The following TRPC5 variants were observed in gnomAD, a reference collection of about 807,000 sequenced individuals.
TRPC5 encodes the protein transient receptor potential cation channel subfamily C member 5, also known as short transient receptor potential channel 5.
Under a neutral mutation model 56.5 loss-of-function variants are expected in TRPC5, and 9 were observed. The observed-to-expected ratio is 0.16, with a 90% confidence interval of 0.10 to 0.28. TRPC5 has a LOEUF of 0.28. Among genes scored for constraint, TRPC5 ranks in the 10% least tolerant of loss-of-function variants. The pLI is 1.00. For synonymous variants in TRPC5, 282 were observed against 278.5 expected, an observed-to-expected ratio of 1.01 and a Z score of -0.13; for missense variants, 469 against 748.9, an observed-to-expected ratio of 0.63 and a Z score of 4.36.
At chrX:112,075,597 T>C (rs1930816939) in intron 1 of TRPC5, among the ~76,000 whole-genome samples, 1 of 111,723 alleles carries the variant, frequency 9.0e-6, no homozygotes, top group Non-Finnish European at 1.9e-5. Context: ...GACCTTAAAA[T>C]AGGAGATAAT....
chrX:111,814,253 C>T (rs1464617889), intron 7 of TRPC5, among the ~76,000 whole-genome samples: 1 of 111,002 alleles, frequency 9.0e-6, no homozygotes, highest in East Asian at 2.8e-4. Flanking sequence ...ATTCCCATAT[C>T]CCTCAATGCC....
At chrX:112,078,928 T>C (rs1875543674) in intron 1 of TRPC5, among the ~76,000 whole-genome samples, 1 of 111,726 alleles carries the variant, frequency 9.0e-6, no homozygotes, top group Non-Finnish European at 1.9e-5. Flanking sequence ...TGTCAGCTAC[T>C]AGGCTCTGGA....
rs773496141 is a variant in TRPC5, at chrX:111,854,124, C to T, written c.901-18G>A. 19 of 1,179,651 alleles carry T rather than the reference C, an allele frequency of 1.6e-5. No individual in the cohort carries two copies. The highest frequency in any genetic ancestry group is 2.4e-5 in the Admixed American group (1 of 42,418). ...GCAACAAACTGGGAAAAGAAGAAAA[C>T]AAGTTAGGCATCTGGAATGTCCAGG... is the stretch of plus-strand genomic sequence containing the variant. On this transcript the variant is annotated intron_variant, in intron 3 of 10. Coordinates refer to ENST00000262839, the MANE Select transcript of TRPC5 (RefSeq NM_012471.3).
chrX:111,918,705 C>G (rs1187169397), intron 2 of TRPC5, among the ~76,000 whole-genome samples: 2 of 111,402 alleles, frequency 1.8e-5, no homozygotes, highest in Non-Finnish European at 3.8e-5. Context: ...CATTGAGGGA[C>G]TTGAGGTCTC....
intron 3 of TRPC5, among the ~76,000 whole-genome samples, chrX:111,907,112 GA>G (rs746535996): frequency 0.079 from 5,527 of 70,368 alleles, 410 homozygotes; most frequent in African/African-American, 0.24. Flanking sequence ...AAGGTCATTT[GA>G]AAAAAAAAAA....
At chrX:111,864,190 A>G (rs1923483275) in intron 3 of TRPC5, among the ~76,000 whole-genome samples, 1 of 110,289 alleles carries the variant, frequency 9.1e-6, no homozygotes, top group African/African-American at 3.3e-5. Flanking sequence ...GGGTTTCACC[A>G]TGTTAGCCAG....
intron 1 of TRPC5, among the ~76,000 whole-genome samples, chrX:112,059,582 A>G (rs1215655871): frequency 8.9e-6 from 1 of 112,079 alleles, no homozygotes; most frequent in Non-Finnish European, 1.9e-5. Context: ...AAGGTTAGGA[A>G]GGTGTAGAAA....
chrX:111,798,833 G>A (rs78624997), intron 7 of TRPC5, among the ~76,000 whole-genome samples: 1 of 111,736 alleles, frequency 8.9e-6, no homozygotes, highest in African/African-American at 3.2e-5. Flanking sequence ...AAGAAAAAGT[G>A]AATTCATTAT....
chrX:111,926,865 G>A (rs1176603890), intron 2 of TRPC5, among the ~76,000 whole-genome samples: 1 of 112,160 alleles, frequency 8.9e-6, no homozygotes, highest in Non-Finnish European at 1.9e-5. Context: ...TGGTCAGGTG[G>A]GATGATGGAT....
intron 7 of TRPC5, among the ~76,000 whole-genome samples, chrX:111,819,089 A>G (rs1921953462): frequency 9.0e-6 from 1 of 111,476 alleles, no homozygotes; most frequent in South Asian, 3.8e-4. Context: ...CAAGTTCTTA[A>G]CCACTGAGCT....
chrX:111,891,352 T>G (rs967742964), intron 3 of TRPC5, among the ~76,000 whole-genome samples: 3 of 111,525 alleles, frequency 2.7e-5, no homozygotes, highest in Middle Eastern at 9.2e-3. Flanking sequence ...AAGCATTTCT[T>G]TTTCTCTGCA....
At chrX:112,050,107 C>T (rs907317133) in intron 1 of TRPC5, among the ~76,000 whole-genome samples, 4 of 112,069 alleles carry the variant, frequency 3.6e-5, no homozygotes, top group African/African-American at 1.3e-4. Context: ...ACCCGGTAGG[C>T]GGAGGTTTCA....
chrX:111,794,985 T>TGA (rs1946048643), intron 7 of TRPC5, among the ~76,000 whole-genome samples: 1 of 111,869 alleles, frequency 8.9e-6, no homozygotes, highest in Non-Finnish European at 1.9e-5. Context: ...ATTTGTGTGT[T>TGA]GACCTTGCAT....
chrX:111,912,534 A>C lies in TRPC5; in HGVS notation c.657T>G (p.Thr219=). ...IALSSEDPIL[T]AFRLGWELKE... ...TGAGCTCCCAGCCCAGACGGAAGGC[A>C]GTTAGGATGGGGTCCTCACTTGATA... The change falls in exon 3 of 11, where the codon ACT becomes ACG. Residue 219 remains threonine (T), a synonymous_variant. Coordinates refer to ENST00000262839, the MANE Select transcript of TRPC5 (RefSeq NM_012471.3). 2 of 1,211,720 alleles carry C rather than the reference A, an allele frequency of 1.7e-6. No homozygotes were observed. Among genetic ancestry groups the C allele is most frequent in the Non-Finnish European group, 2.2e-6 (2 of 895,532 alleles).
intron 2 of TRPC5, 79 bp downstream of exon 2, chrX:111,951,964 A>T: frequency 1.8e-6 from 2 of 1,135,292 alleles, no homozygotes; most frequent in Non-Finnish European, 2.3e-6. Flanking sequence ...AGACCACCTA[A>T]CCTTCCCTAG....
In TRPC5 at chrX:112,024,221, G is replaced by A. The variant is rs184895230; in HGVS notation, c.-22+57658C>T. On this transcript the variant is annotated intron_variant, in intron 1 of 10. Transcript: ENST00000262839. Reference sequence around the variant, plus strand: ...TGGGCCATAGAGTGTCCAGATATTTGGTCAAACATTATTCTGGGTGTGTCT... The same window carrying A: ...TGGGCCATAGAGTGTCCAGATATTTAGTCAAACATTATTCTGGGTGTGTCT... Among the ~76,000 whole-genome samples the A allele has an allele frequency of 3.2e-4, 36 of 111,684 alleles. No individual in the cohort carries two copies. The East Asian group carries it at 8.8e-3, about 27-fold the overall frequency.
Position 111,952,394 on chromosome X carries a change from G to C in TRPC5, c.27C>G (p.Val9=), listed in dbSNP as rs762582361. MAQLYYKK[V]NYSPYRDRIP... is the part of the protein sequence containing the mutation. ...TGCGGTCTCTGTACGGTGAGTAGTTGACCTTTTTGTAGTACAGTTGGGCCA... is the reference window on the plus strand; with the variant it reads ...TGCGGTCTCTGTACGGTGAGTAGTTCACCTTTTTGTAGTACAGTTGGGCCA... The change falls in exon 2 of 11, where the codon GTC becomes GTG. Residue 9 remains valine (V), a synonymous_variant. Coordinates refer to ENST00000262839, the MANE Select transcript of TRPC5 (RefSeq NM_012471.3). 1 of 1,207,777 alleles carries C rather than the reference G, an allele frequency of 8.3e-7. No homozygotes were observed. The highest frequency in any genetic ancestry group is 3.0e-5 in the East Asian group (1 of 33,793).
Position 111,936,238 on chromosome X carries a change from T to C in TRPC5, c.378+15805A>G, listed in dbSNP as rs770438832. On this transcript the variant is annotated intron_variant, in intron 2 of 10. Transcript: ENST00000262839. ...TGGTAAATGAGATTGCTTTCTTGAT[T>C]TATTTTTCAGATTGTTTGCTGTTGG... is the stretch of plus-strand genomic sequence containing the variant. Among the ~76,000 whole-genome samples, 372 of 111,924 alleles carry C rather than the reference T, an allele frequency of 3.3e-3. 4 individuals are homozygous for C. The highest frequency in any genetic ancestry group is 5.8e-3 in the Non-Finnish European group (306 of 53,187).
rs780639960 is a variant in TRPC5, at chrX:111,776,918, T to A, written c.2317A>T (p.Ser773Cys). 1.5e-5 allele frequency: 18 copies of A among 1,198,648 alleles called. No individual in the cohort carries two copies. The highest frequency in any genetic ancestry group is 1.8e-5 in the Non-Finnish European group (16 of 888,573). ...TCTCTCTGAGACAGTTCAGTGCTGC[T>A]AGTGGAAAAGCTCCTTGGATGTTTT... ...NRKHPRSFST[S>C]STELSQRDDN... The change falls in exon 11 of 11, where the codon AGC becomes TGC. Residue 773 changes from serine to cysteine, a missense_variant. This residue lies in a region of TRPC5 where 194 missense variants were observed against 221.8 expected (regional missense o/e 0.87). Transcript: ENST00000262839.
Sources: allele counts gnomAD v4.1 joint callset (sites outside exome capture counted in the v4.1 genomes callset), GRCh38; gene constraint gnomAD v4.1.1; regional missense constraint gnomAD v4.1.1; transcripts MANE v1.5; gene names NCBI Gene and HGNC (gene_info 2026-07-23, HGNC 2026-07-21).